The following DNAJC15 variants were observed in gnomAD, a reference collection of about 807,000 sequenced individuals.
DNAJC15 encodes dnaJ homolog subfamily C member 15.
A neutral mutation model predicts 22.4 loss-of-function variants in DNAJC15; 27 were observed. That is an observed-to-expected ratio of 1.20 (90% CI 0.89 to 1.66). The LOEUF (loss-of-function observed/expected upper bound fraction) is 1.66. Ranked by LOEUF, DNAJC15 falls within the 40% of genes most tolerant of loss-of-function variation. The pLI, the probability that DNAJC15 is intolerant of heterozygous loss-of-function variation, is 0.00. For missense variants in DNAJC15, 208 were observed against 187.1 expected, an observed-to-expected ratio of 1.11 and a Z score of -0.65; for synonymous variants, 79 against 63.2, an observed-to-expected ratio of 1.25 and a Z score of -1.19.
intron 4 of DNAJC15, among the ~76,000 whole-genome samples, chr13:43,083,295 G>C (rs893800609): frequency 6.6e-6 from 1 of 151,912 alleles, no homozygotes; most frequent in African/African-American, 2.4e-5. Flanking sequence ...AGCCTCCCGA[G>C]TAGCTGGGAC....
intron 1 of DNAJC15, among the ~76,000 whole-genome samples, chr13:43,029,841 C>G (rs1566198675): frequency 6.6e-6 from 1 of 152,092 alleles, no homozygotes; most frequent in African/African-American, 2.4e-5. Flanking sequence ...TACTCGTTCT[C>G]TCAGTTCCCA....
chr13:43,107,096 AAAG>A (rs1366220667), intron 5 of DNAJC15, 79 bp from the exon 6 acceptor site: 49 of 1,109,104 alleles, frequency 4.4e-5, no homozygotes, highest in Non-Finnish European at 6.0e-5. Context: ...AATATTCAAA[AAAG>A]AGTATTTTTA....
At chr13:43,037,704 T>G (rs550241636) in intron 1 of DNAJC15, among the ~76,000 whole-genome samples, 58 of 152,232 alleles carry the variant, frequency 3.8e-4, no homozygotes, top group Non-Finnish European at 6.6e-4. Flanking sequence ...TTATCCCATG[T>G]TAAATATACT....
At chr13:43,095,432 A>C (rs1303302158) in intron 5 of DNAJC15, among the ~76,000 whole-genome samples, 1 of 152,204 alleles carries the variant, frequency 6.6e-6, no homozygotes, top group East Asian at 1.9e-4. Context: ...TAAATGAATT[A>C]GTCAGTAGAT....
intron 1 of DNAJC15, among the ~76,000 whole-genome samples, chr13:43,053,415 G>A (rs1293361391): frequency 6.6e-6 from 1 of 152,026 alleles, no homozygotes; most frequent in Non-Finnish European, 1.5e-5. Flanking sequence ...ATGAATTTTA[G>A]GATTGTTTTT....
chr13:43,077,718 C>A (rs772649141), intron 3 of DNAJC15, among the ~76,000 whole-genome samples: 2 of 152,184 alleles, frequency 1.3e-5, no homozygotes, highest in Admixed American at 1.3e-4. Flanking sequence ...AAGTCCTTCA[C>A]GCCTGATGGG....
At chr13:43,027,182 A>G (rs1468906684) in intron 1 of DNAJC15, among the ~76,000 whole-genome samples, 1 of 152,242 alleles carries the variant, frequency 6.6e-6, no homozygotes, top group Non-Finnish European at 1.5e-5. Context: ...GTTTGTATGA[A>G]ACGGTAGTCA....
At chr13:43,088,994 A>G (rs1175483422) in intron 5 of DNAJC15, among the ~76,000 whole-genome samples, 1 of 152,180 alleles carries the variant, frequency 6.6e-6, no homozygotes, top group Admixed American at 6.5e-5. Flanking sequence ...TTTCCTTGAT[A>G]AATGCTGAGA....
chr13:43,093,045 T>G (rs895374970), intron 5 of DNAJC15, among the ~76,000 whole-genome samples: 2 of 152,244 alleles, frequency 1.3e-5, no homozygotes, highest in Non-Finnish European at 2.9e-5. Context: ...TTTTTTCCAG[T>G]TCATTGTTCT....
intron 5 of DNAJC15, among the ~76,000 whole-genome samples, chr13:43,094,918 T>C (rs1274768151): frequency 1.3e-5 from 2 of 152,184 alleles, no homozygotes; most frequent in Non-Finnish European, 2.9e-5. Context: ...CCTCTAAATT[T>C]CCTCCCCTTC....
intron 5 of DNAJC15, among the ~76,000 whole-genome samples, chr13:43,098,703 A>G (rs149209465): frequency 3.3e-5 from 5 of 152,188 alleles, no homozygotes; most frequent in African/African-American, 1.2e-4. Flanking sequence ...CCCTTTAGCT[A>G]TTGTCCCCTC....
At position 43,111,433 on chromosome 13, in the gene DNAJC15, AAT is replaced by A. The variant is rs1417172917; in HGVS notation, c.*4190_*4191del. 1 of 152,204 alleles carries A rather than the reference AAT, an allele frequency of 6.6e-6. No individual in the cohort carries two copies. The highest frequency in any genetic ancestry group is 1.5e-5 in the Non-Finnish European group (1 of 68,048). 9.4% of individuals were successfully genotyped at this position (152,204 alleles called of 1,614,324 possible). ...ATCACCCAGCAGCATCATTAGAAATAATATATTTTATTCATGTGCAGAAATCT... is the reference window on the plus strand; with the variant it reads ...ATCACCCAGCAGCATCATTAGAAATAATATTTTATTCATGTGCAGAAATCT... On this transcript the variant is annotated 3_prime_UTR_variant, in exon 6 of 6. Transcript: ENST00000379221.
rs2040823392 is a variant in DNAJC15 at position 43,111,247 on chromosome 13, GA to G, written c.*4001del. 6.6e-6 allele frequency: 1 copy of G among 152,070 alleles called. No homozygotes were observed. The highest frequency in any genetic ancestry group is 1.5e-5 in the Non-Finnish European group (1 of 68,006). The allele number at this position is 152,070 out of a possible 1,614,324, so 9.4% of individuals were successfully genotyped here. A position where few individuals can be genotyped will look rare whatever the true frequency, so the allele number is the denominator to read the frequency against. On this transcript the variant is annotated 3_prime_UTR_variant, in exon 6 of 6. Transcript: ENST00000379221. ...ATATTTTAGACATTCAGCAAATATTGAATACTTACTATATCAGGCAGTAAAG... is the reference window on the plus strand; with the variant it reads ...ATATTTTAGACATTCAGCAAATATTGATACTTACTATATCAGGCAGTAAAG...
intron 1 of DNAJC15, among the ~76,000 whole-genome samples, chr13:43,060,918 AT>A (rs2040555750): frequency 6.6e-6 from 1 of 152,166 alleles, no homozygotes; most frequent in Non-Finnish European, 1.5e-5. Flanking sequence ...ACCAAGAGGT[AT>A]TTTAGTTTCC....
intron 1 of DNAJC15, among the ~76,000 whole-genome samples, chr13:43,049,483 T>C (rs1018128392): frequency 1.3e-5 from 2 of 152,248 alleles, no homozygotes; most frequent in African/African-American, 4.8e-5. Flanking sequence ...AGCATGCTAA[T>C]TGTTTTTCAA....
chr13:43,103,187 T>C (rs1328307873), intron 5 of DNAJC15, among the ~76,000 whole-genome samples: 2 of 152,322 alleles, frequency 1.3e-5, no homozygotes, highest in East Asian at 1.9e-4. Context: ...TATTCTAACA[T>C]TGGGATCTTC....
chr13:43,068,181 T>C (rs759057022), intron 2 of DNAJC15, among the ~76,000 whole-genome samples: 8 of 152,146 alleles, frequency 5.3e-5, no homozygotes, highest in Non-Finnish European at 1.0e-4. Context: ...AAAGAGATAC[T>C]AGTAGAAGAC....
At chr13:43,028,027 C>G (rs987129316) in intron 1 of DNAJC15, among the ~76,000 whole-genome samples, 3 of 152,090 alleles carry the variant, frequency 2.0e-5, no homozygotes, top group African/African-American at 7.2e-5. Flanking sequence ...TGGACAGGGA[C>G]TTTATTTGTT....
chr13:43,071,132 A>G (rs1241601143), intron 3 of DNAJC15, among the ~76,000 whole-genome samples: 3 of 152,246 alleles, frequency 2.0e-5, no homozygotes, highest in Admixed American at 2.0e-4. Context: ...ATTATTTAAC[A>G]TTGTAAAGGA....
Sources: allele counts gnomAD v4.1 joint callset (sites outside exome capture counted in the v4.1 genomes callset), GRCh38; gene constraint gnomAD v4.1.1; transcripts MANE v1.5; gene names NCBI Gene and HGNC (gene_info 2026-07-23, HGNC 2026-07-21).